HPSE2: variants seen among roughly 807,000 people sequenced by gnomAD.
HPSE2 encodes the protein inactive heparanase-2.
Under a neutral mutation model 60.5 loss-of-function variants are expected in HPSE2, and 38 were observed. The observed-to-expected ratio is 0.63, with a 90% CI of 0.48 to 0.82. The LOEUF (loss-of-function observed/expected upper bound fraction) is 0.82, where lower values mean the gene tolerates loss of function less well. Ranked by LOEUF, HPSE2 falls within the 40% of genes least tolerant of loss-of-function variation. The pLI is 0.00. For synonymous variants in HPSE2, 295 were observed against 293.2 expected (o/e 1.01, Z -0.06); for missense variants, 713 against 740.4 (o/e 0.96, Z 0.43).
intron 5 of HPSE2, among the ~76,000 whole-genome samples, chr10:98,696,836 T>C (rs1226632916): frequency 6.6e-6 from 1 of 152,152 alleles, no homozygotes; most frequent in Non-Finnish European, 1.5e-5. Flanking sequence ...GGCTGTGCTT[T>C]TCCCCTGCTG....
intron 3 of HPSE2, among the ~76,000 whole-genome samples, chr10:98,964,818 C>T (rs1051340734): frequency 1.3e-5 from 2 of 152,144 alleles, no homozygotes; most frequent in African/African-American, 4.8e-5. Context: ...TATCATCATA[C>T]AAATAACTCA....
intron 6 of HPSE2, among the ~76,000 whole-genome samples, chr10:98,662,502 T>A (rs899808785): frequency 6.6e-6 from 1 of 152,116 alleles, no homozygotes; most frequent in Non-Finnish European, 1.5e-5. Context: ...GGGAGCTAAA[T>A]GATGAGACCA....
intron 3 of HPSE2, among the ~76,000 whole-genome samples, chr10:99,011,606 A>C (rs1160019798): frequency 1.3e-5 from 2 of 151,936 alleles, no homozygotes; most frequent in African/African-American, 4.8e-5. Context: ...AAATACAAAA[A>C]TTAGCCAGGC....
chr10:99,210,924 ATT>A (rs1848932334), intron 2 of HPSE2, among the ~76,000 whole-genome samples: 1 of 152,232 alleles, frequency 6.6e-6, no homozygotes, highest in Admixed American at 6.5e-5. Flanking sequence ...AGACAGATCA[ATT>A]AGGCATAAAG....
chr10:98,739,830 T>G (rs1378481624), intron 4 of HPSE2, among the ~76,000 whole-genome samples: 3 of 152,206 alleles, frequency 2.0e-5, no homozygotes. Context: ...TGTAGTTCAG[T>G]GTTCATTCAA....
chr10:99,126,131 A>G lies in HPSE2; in HGVS notation c.610+18107T>C, dbSNP rs1845155107. Among the ~76,000 whole-genome samples, 1 of 152,140 alleles carries G rather than the reference A, an allele frequency of 6.6e-6. No homozygotes were observed. The highest frequency in any genetic ancestry group is 1.5e-5 in the Non-Finnish European group (1 of 68,014). ...AAGGTCTGAGTGAGGCACTGCAGGA[A>G]CAAGACCAGCCTTACCAACTGTGTG... On this transcript the variant is annotated intron_variant, in intron 3 of 11. Transcript: ENST00000370552. The surrounding 1 kb of genome is among the most constrained non-coding windows in gnomAD (Gnocchi z 4.0).
At chr10:98,800,842 AGAG>A (rs1444751409) in intron 3 of HPSE2, among the ~76,000 whole-genome samples, 1 of 152,232 alleles carries the variant, frequency 6.6e-6, no homozygotes, top group Non-Finnish European at 1.5e-5. Flanking sequence ...TCTGAAAAAT[AGAG>A]GAGGACGGAA....
intron 9 of HPSE2, among the ~76,000 whole-genome samples, chr10:98,504,391 C>G (rs1451541337): frequency 6.6e-6 from 1 of 151,698 alleles, no homozygotes; most frequent in Non-Finnish European, 1.5e-5. Context: ...AATTTTTTTC[C>G]ATTTTATGTA....
intron 3 of HPSE2, among the ~76,000 whole-genome samples, chr10:98,942,233 A>T (rs1288372599): frequency 2.1e-5 from 3 of 142,172 alleles, no homozygotes; most frequent in South Asian, 4.3e-4. Context: ...GACAAATGGG[A>T]TCTAATTAAA....
At chr10:98,993,085 A>T (rs1476800802) in intron 3 of HPSE2, among the ~76,000 whole-genome samples, 1 of 152,224 alleles carries the variant, frequency 6.6e-6, no homozygotes, top group Non-Finnish European at 1.5e-5. Flanking sequence ...CCATCCAGTC[A>T]TTCATCAGTA....
rs1030415186 is a variant in HPSE2 at position 98,887,457 on chromosome 10, C to T, written c.611-143401G>A. On this transcript the variant is annotated intron_variant, in intron 3 of 11. Transcript: ENST00000370552. The stretch of plus-strand genomic sequence containing the variant: ...TTAAAAACGTGAACCATGTGGACAA[C>T]GCAGGATCAGTGAGTCTAGTAAATG... Among the ~76,000 whole-genome samples, 5 of 152,130 alleles carry T rather than the reference C, an allele frequency of 3.3e-5. No individual in the cohort carries two copies. In the East Asian group the frequency reaches 7.7e-4, roughly 24 times the overall value.
chr10:98,667,049 G>A (rs1947382041), intron 6 of HPSE2, among the ~76,000 whole-genome samples: 1 of 135,746 alleles, frequency 7.4e-6, no homozygotes, highest in African/African-American at 2.7e-5. Context: ...GAAAAAAAAA[G>A]ATTCAAATAA....
chr10:98,625,924 A>AACCC (rs1201301313), intron 7 of HPSE2, among the ~76,000 whole-genome samples: 1 of 152,092 alleles, frequency 6.6e-6, no homozygotes, highest in Non-Finnish European at 1.5e-5. Context: ...AACACGGTGA[A>AACCC]ACCCCGTTTC....
At chr10:98,570,225 C>G (rs1437740400) in intron 9 of HPSE2, among the ~76,000 whole-genome samples, 3 of 152,194 alleles carry the variant, frequency 2.0e-5, no homozygotes, top group Non-Finnish European at 4.4e-5. Context: ...CCCTAAGGAG[C>G]CTTGTTTCAT....
the HPSE2 span, among the ~76,000 whole-genome samples, chr10:99,261,537 T>A: frequency 1.3e-5 from 2 of 152,212 alleles, no homozygotes; most frequent in Non-Finnish European, 2.9e-5. Context: ...GCCCAGTTCA[T>A]GGCCCATTTG....
At chr10:99,184,823 G>A (rs1346035602) in intron 2 of HPSE2, among the ~76,000 whole-genome samples, 1 of 28,568 alleles carries the variant, frequency 3.5e-5, no homozygotes, top group African/African-American at 1.1e-4. Context: ...TATATATAGA[G>A]AGAGAGAGAG....
intron 2 of HPSE2, among the ~76,000 whole-genome samples, chr10:99,200,417 T>C (rs2133883274): frequency 6.6e-6 from 1 of 152,218 alleles, no homozygotes; most frequent in East Asian, 1.9e-4. Context: ...AAGAGGTACC[T>C]GGAAGTGTTT....
chr10:99,263,622 T>G, the HPSE2 span, among the ~76,000 whole-genome samples: 2 of 152,194 alleles, frequency 1.3e-5, no homozygotes, highest in Non-Finnish European at 2.9e-5. Context: ...TTCCAACTTC[T>G]GTCCCTCATG....
chr10:98,559,132 T>A (rs1348490514), intron 9 of HPSE2, among the ~76,000 whole-genome samples: 1 of 152,114 alleles, frequency 6.6e-6, no homozygotes, highest in Non-Finnish European at 1.5e-5. Flanking sequence ...AGGTTCAGGC[T>A]ATCTCCTGCC....
Sources: allele counts gnomAD v4.1 joint callset (sites outside exome capture counted in the v4.1 genomes callset), GRCh38; gene constraint gnomAD v4.1.1; non-coding constraint Gnocchi (gnomAD v3.1); transcripts MANE v1.5; gene names NCBI Gene and HGNC (gene_info 2026-07-23, HGNC 2026-07-21).